The following SLMAP variants were observed in gnomAD, a reference collection of about 807,000 sequenced individuals.
SLMAP encodes the protein sarcolemma associated protein, also known as sarcolemmal membrane-associated protein.
In SLMAP, 44 loss-of-function variants were observed where a neutral mutation model predicts 128.8. The ratio of observed to expected loss-of-function variants is 0.34; its 90% CI spans 0.27 to 0.44. SLMAP has a LOEUF of 0.44. SLMAP is among the 20% of genes least tolerant of loss of function. The pLI is 1.00. For synonymous variants in SLMAP, 327 were observed against 348.8 expected, an observed-to-expected ratio of 0.94 and a Z score of 0.70; for missense variants, 787 against 985.3, an observed-to-expected ratio of 0.80 and a Z score of 2.69.
rs532276311 is a variant in SLMAP, at chr3:57,916,884, T to A, written c.2139-22T>A. 6.2e-6 allele frequency: 10 copies of A among 1,600,334 alleles called. No homozygotes were observed. In the South Asian group the frequency reaches 6.7e-5, roughly 11 times the overall value. On this transcript the variant is annotated intron_variant, in intron 21 of 24. Coordinates refer to ENST00000671191, the MANE Select transcript of SLMAP (RefSeq NM_001377540.1). ...TCCAGTTTCTACCTGTGAATAACTA[T>A]CTGTCAATATTTATATTGCAGTTCT...
chr3:57,879,871 A>G (rs1423428756), intron 14 of SLMAP, among the ~76,000 whole-genome samples: 2 of 151,838 alleles, frequency 1.3e-5, no homozygotes, highest in Admixed American at 1.3e-4. Context: ...AATTGCTTGA[A>G]ACTAGGAGGT....
chr3:57,816,696 G>C (rs2091900512), intron 2 of SLMAP, among the ~76,000 whole-genome samples: 1 of 152,202 alleles, frequency 6.6e-6, no homozygotes, highest in East Asian at 1.9e-4. Context: ...ATAGAGATGT[G>C]AGAGTTAGCT....
At chr3:57,869,770 A>G (rs891592494) in intron 13 of SLMAP, among the ~76,000 whole-genome samples, 1 of 150,380 alleles carries the variant, frequency 6.6e-6, no homozygotes, top group African/African-American at 2.4e-5. Context: ...AAAATTTCAT[A>G]TCACTGTTTT....
rs1382380028 is a variant in SLMAP at position 57,775,360 on chromosome 3, A to G, written c.198+17511A>G. Among the ~76,000 whole-genome samples, 7 of 152,160 alleles carry G rather than the reference A, an allele frequency of 4.6e-5. 1 individual carries two copies. The East Asian group carries it at 1.4e-3, about 30-fold the overall frequency. On this transcript the variant is annotated intron_variant, in intron 2 of 24. Transcript: ENST00000671191. Reference sequence around the variant, plus strand: ...CCCGGCGAAAACTTTGTATTTTTCAAGTTCAGCCACTTTAAAAATACTTGT... The same window carrying G: ...CCCGGCGAAAACTTTGTATTTTTCAGGTTCAGCCACTTTAAAAATACTTGT...
chr3:57,875,115 G>A (rs2095573084), intron 14 of SLMAP, among the ~76,000 whole-genome samples: 1 of 152,110 alleles, frequency 6.6e-6, no homozygotes, highest in African/African-American at 2.4e-5. Flanking sequence ...TTATTAAAAT[G>A]ATGTTTATGA....
At chr3:57,782,633 T>A (rs184003704) in intron 2 of SLMAP, among the ~76,000 whole-genome samples, 1 of 152,182 alleles carries the variant, frequency 6.6e-6, no homozygotes, top group Non-Finnish European at 1.5e-5. Flanking sequence ...CCACCATGCC[T>A]GGCTAATTTT....
At chr3:57,762,470 T>C (rs1461921546) in intron 2 of SLMAP, among the ~76,000 whole-genome samples, 1 of 152,024 alleles carries the variant, frequency 6.6e-6, no homozygotes, top group Admixed American at 6.6e-5. Context: ...TGTAGGCAGG[T>C]GGAAATCTAA....
intron 14 of SLMAP, among the ~76,000 whole-genome samples, chr3:57,889,119 C>A (rs958019333): frequency 6.6e-6 from 1 of 152,148 alleles, no homozygotes; most frequent in African/African-American, 2.4e-5. Flanking sequence ...CTCCTGACCT[C>A]GTGATCCACC....
intron 12 of SLMAP, 109 bp downstream of exon 12, chr3:57,864,966 A>G: frequency 1.2e-6 from 1 of 851,472 alleles, no homozygotes; most frequent in Non-Finnish European, 1.8e-6. Flanking sequence ...TGTATTAGGT[A>G]TAAAGTATCT....
intron 2 of SLMAP, among the ~76,000 whole-genome samples, chr3:57,823,746 G>A (rs1462649926): frequency 1.3e-5 from 2 of 152,172 alleles, no homozygotes; most frequent in Non-Finnish European, 2.9e-5. Flanking sequence ...GTAATGGGAT[G>A]GCTGGGTCAA....
At position 57,864,851 on chromosome 3, in the gene SLMAP, A is replaced by C; in HGVS notation, c.1180A>C (p.Ser394Arg). 1 of 1,574,258 alleles carries C rather than the reference A, an allele frequency of 6.4e-7. No individual in the cohort carries two copies. The highest frequency in any genetic ancestry group is 8.6e-7 in the Non-Finnish European group (1 of 1,161,764). ...GGAGAAAACTCTTAAAGAATGCAGC[A>C]GCTTGGGTAGGTGGCATCCATATTT... ...LQEKTLKECS[S>R]LGIQVDDFLP... Residue 394 changes from serine (S) to arginine (R), a missense_variant, in exon 12 of 25, where the codon AGC (serine) becomes CGC (arginine). Around this residue, in one of 2 missense-constraint regions of SLMAP, gnomAD observed 715 missense variants for 843.6 expected, o/e 0.85. Transcript: ENST00000671191.
chr3:57,780,740 C>T (rs2082866244), intron 2 of SLMAP, among the ~76,000 whole-genome samples: 1 of 151,830 alleles, frequency 6.6e-6, no homozygotes, highest in Non-Finnish European at 1.5e-5. Flanking sequence ...ATTTCTTGGG[C>T]TCAAGCGATC....
At chr3:57,769,440 G>T (rs1183115553) in intron 2 of SLMAP, among the ~76,000 whole-genome samples, 1 of 151,982 alleles carries the variant, frequency 6.6e-6, no homozygotes, top group African/African-American at 2.4e-5. Context: ...TGATCCGCCC[G>T]CCTTGGCCTC....
chr3:57,887,631 G>A (rs2153644934), intron 14 of SLMAP, among the ~76,000 whole-genome samples: 1 of 152,340 alleles, frequency 6.6e-6, no homozygotes, highest in South Asian at 2.1e-4. Flanking sequence ...GACAGATGGA[G>A]TCTTTACTAT....
chr3:57,908,153 A>G lies in SLMAP; in HGVS notation c.1624+147A>G. ...CTTGGTATATTTACTTGACCTCTCT[A>G]AACTTGTGTTTCAGGTCAGTAAAAT... On this transcript the variant is annotated intron_variant, in intron 18 of 24. Coordinates refer to ENST00000671191, the MANE Select transcript of SLMAP (RefSeq NM_001377540.1). 9 of 685,690 alleles carry G rather than the reference A, an allele frequency of 1.3e-5. No individual in the cohort carries two copies. The South Asian group carries it at 2.0e-4, about 15-fold the overall frequency. 42.5% of individuals were successfully genotyped at this position (685,690 alleles called of 1,614,324 possible).
chr3:57,856,691 G>A (rs1267070754), intron 6 of SLMAP, among the ~76,000 whole-genome samples: 2 of 152,038 alleles, frequency 1.3e-5, no homozygotes, highest in Non-Finnish European at 2.9e-5. Context: ...TAAGCAGAAG[G>A]AATGCACTCT....
intron 14 of SLMAP, among the ~76,000 whole-genome samples, chr3:57,876,669 T>C (rs2095610723): frequency 1.3e-5 from 2 of 152,378 alleles, no homozygotes; most frequent in East Asian, 1.9e-4. Context: ...TTGAAACTTT[T>C]TGTGTTCTGC....
chr3:57,816,131 T>G (rs1276080210), intron 2 of SLMAP, among the ~76,000 whole-genome samples: 1 of 142,968 alleles, frequency 7.0e-6, no homozygotes, highest in Admixed American at 6.8e-5. Flanking sequence ...CCGTTTGTGT[T>G]TGTTTGTTTG....
intron 2 of SLMAP, among the ~76,000 whole-genome samples, chr3:57,777,364 A>G (rs1454701296): frequency 6.6e-6 from 1 of 151,480 alleles, no homozygotes. Context: ...AATTTACAGG[A>G]AGCATACATT....
Sources: gnomAD v4.1 joint callset for allele counts (sites outside exome capture counted in the v4.1 genomes callset) on GRCh38, gnomAD v4.1.1 for gene constraint, gnomAD v4.1.1 regional missense constraint, MANE v1.5 for transcripts, NCBI Gene and HGNC (gene_info 2026-07-23, HGNC 2026-07-21) for gene names.